The following CTDSPL variants were observed in gnomAD, a reference collection of about 807,000 sequenced individuals.
The protein encoded by CTDSPL is CTD small phosphatase-like protein.
Under a neutral mutation model 30.5 loss-of-function variants are expected in CTDSPL, and 8 were observed. That is an observed-to-expected ratio of 0.26 (90% CI 0.15 to 0.47). CTDSPL has a LOEUF of 0.47. CTDSPL is among the 20% of genes least tolerant of loss of function. The pLI is 0.99. For missense variants in CTDSPL, 248 were observed against 366.1 expected (o/e 0.68, Z 2.63); for synonymous variants, 110 against 137.9 (o/e 0.80, Z 1.42).
Position 37,967,822 on chromosome 3 carries a change from C to G in CTDSPL, c.370-4C>G, listed in dbSNP as rs747226628. On this transcript the variant is annotated splice_polypyrimidine_tract_variant and splice_region_variant and intron_variant, in intron 4 of 7. Coordinates refer to ENST00000273179, the MANE Select transcript of CTDSPL (RefSeq NM_001008392.2). ...ATATTAATTATAGTCTCTTTTTTCTCTAGCCTATTAGTAATGCTGATTTTA... is the reference window on the plus strand; with the variant it reads ...ATATTAATTATAGTCTCTTTTTTCTGTAGCCTATTAGTAATGCTGATTTTA... 2 of 1,582,226 alleles carry G rather than the reference C, an allele frequency of 1.3e-6. No homozygotes were observed.
At position 37,975,685 on chromosome 3, in the gene CTDSPL, T is replaced by C; in HGVS notation, c.520-24T>C. On this transcript the variant is annotated intron_variant, in intron 6 of 7. Transcript: ENST00000273179. This position sits in a 1 kb window ranked among gnomAD's most constrained non-coding sequence, Gnocchi z 4.9. ...GGGGGGCTCTTTTAAACACCCAGCCTTCATTGTGACACGTCTTTTCCAGTA... is the reference window on the plus strand; with the variant it reads ...GGGGGGCTCTTTTAAACACCCAGCCCTCATTGTGACACGTCTTTTCCAGTA... 1 of 1,586,404 alleles carries C rather than the reference T, an allele frequency of 6.3e-7. No individual in the cohort carries two copies. The highest frequency in any genetic ancestry group is 8.6e-7 in the Non-Finnish European group (1 of 1,161,692).
intron 1 of CTDSPL, among the ~76,000 whole-genome samples, chr3:37,874,732 AAATAAT>A (rs111575729): frequency 6.6e-6 from 1 of 151,610 alleles, no homozygotes; most frequent in Non-Finnish European, 1.5e-5. Flanking sequence ...CTGTCTCAAA[AAATAAT>A]AATAATAATA....
intron 1 of CTDSPL, among the ~76,000 whole-genome samples, chr3:37,880,295 A>T (rs1332585369): frequency 6.6e-6 from 1 of 152,148 alleles, no homozygotes; most frequent in Non-Finnish European, 1.5e-5. Context: ...AGGCAAACCT[A>T]GTCTGTCTGA....
intron 3 of CTDSPL, among the ~76,000 whole-genome samples, chr3:37,963,032 C>T (rs1699260449): frequency 6.6e-6 from 1 of 152,202 alleles, no homozygotes; most frequent in African/African-American, 2.4e-5. Flanking sequence ...AACCTGCTGA[C>T]TCACTGGTTT....
At chr3:37,968,267 A>T in intron 5 of CTDSPL, 1 of 458,178 alleles carries the variant, frequency 2.2e-6, no homozygotes, top group Non-Finnish European at 4.4e-6. Context: ...ACTCTCGGGA[A>T]AAAGTGTCCA....
At chr3:37,949,257 A>C (rs1000132073) in intron 2 of CTDSPL, among the ~76,000 whole-genome samples, 1 of 152,206 alleles carries the variant, frequency 6.6e-6, no homozygotes, top group Non-Finnish European at 1.5e-5. Context: ...CTGGAGGAAA[A>C]TTTGGCAATA....
intron 2 of CTDSPL, among the ~76,000 whole-genome samples, chr3:37,953,623 T>C (rs192016156): frequency 6.6e-6 from 1 of 152,228 alleles, no homozygotes; most frequent in East Asian, 1.9e-4. Flanking sequence ...AGAGTGGCAA[T>C]GTTAATATCA....
intron 7 of CTDSPL, among the ~76,000 whole-genome samples, chr3:37,977,211 G>A (rs940102038): frequency 2.0e-5 from 3 of 152,074 alleles, no homozygotes; most frequent in South Asian, 2.1e-4. Context: ...CACAAGTCAC[G>A]GTCAGATCTG....
At chr3:37,881,324 C>T (rs144721880) in intron 1 of CTDSPL, among the ~76,000 whole-genome samples, 1,600 of 151,892 alleles carry the variant, frequency 0.011, 33 homozygotes, top group South Asian at 0.078. Context: ...AGGTTAGGAG[C>T]TCAAGACCAG....
intron 1 of CTDSPL, among the ~76,000 whole-genome samples, chr3:37,940,035 T>C (rs745498577): frequency 6.7e-6 from 1 of 149,768 alleles, no homozygotes; most frequent in Non-Finnish European, 1.5e-5. Flanking sequence ...GAGGTTGCAG[T>C]GTGCCGAGAT....
intron 1 of CTDSPL, among the ~76,000 whole-genome samples, chr3:37,929,188 A>G (rs534438674): frequency 1.4e-4 from 22 of 152,208 alleles, no homozygotes; most frequent in Non-Finnish European, 2.6e-4. Context: ...TAGCTTTGTA[A>G]TTTGTTTTGA....
chr3:37,942,378 C>T (rs1698988397), intron 1 of CTDSPL, among the ~76,000 whole-genome samples: 1 of 150,466 alleles, frequency 6.6e-6, no homozygotes, highest in African/African-American at 2.4e-5. Context: ...TGTGGTGCCT[C>T]ACAACTGTAA....
chr3:37,882,419 G>A (rs1698216219), intron 1 of CTDSPL, among the ~76,000 whole-genome samples: 1 of 145,086 alleles, frequency 6.9e-6, no homozygotes, highest in South Asian at 2.2e-4. Context: ...TCCAGCCTGG[G>A]TGACAGAGCA....
At chr3:37,935,504 A>T (rs1291218233) in intron 1 of CTDSPL, among the ~76,000 whole-genome samples, 1 of 150,332 alleles carries the variant, frequency 6.7e-6, no homozygotes, top group East Asian at 1.9e-4. Context: ...TTCTAGACTC[A>T]TACAAATCTG....
chr3:37,907,561 A>G (rs979971451), intron 1 of CTDSPL, among the ~76,000 whole-genome samples: 1 of 152,204 alleles, frequency 6.6e-6, no homozygotes, highest in Non-Finnish European at 1.5e-5. Context: ...AAAGGATGAA[A>G]GAGTGACAGG....
intron 1 of CTDSPL, among the ~76,000 whole-genome samples, chr3:37,863,581 C>T (rs1311985947): frequency 2.0e-5 from 3 of 152,216 alleles, no homozygotes; most frequent in Non-Finnish European, 4.4e-5. Flanking sequence ...CCACCAGGAC[C>T]CCTGACCCCT....
At chr3:37,873,230 C>G (rs1180465388) in intron 1 of CTDSPL, among the ~76,000 whole-genome samples, 1 of 152,170 alleles carries the variant, frequency 6.6e-6, no homozygotes, top group East Asian at 1.9e-4. Context: ...ATTAGGTTTT[C>G]TCTGGCATGA....
chr3:37,921,607 CCACACACACA>C (rs58395906), intron 1 of CTDSPL, among the ~76,000 whole-genome samples: 13 of 147,634 alleles, frequency 8.8e-5, no homozygotes, highest in Non-Finnish European at 1.3e-4. Flanking sequence ...ACCCTAACTA[CCACACACACA>C]CACACACACA....
Position 37,862,624 on chromosome 3 carries a change from C to T in CTDSPL, c.79+346C>T, listed in dbSNP as rs372568521. ...GTGCACTTGTATGTGTGTGTGCACA[C>T]GCGGACAGAGTGATTGTAAGGATAT... is the stretch of plus-strand genomic sequence containing the variant. On this transcript the variant is annotated intron_variant, in intron 1 of 7. Transcript: ENST00000273179. This position sits in a 1 kb window ranked among gnomAD's most constrained non-coding sequence, Gnocchi z 4.3. Among the ~76,000 whole-genome samples the T allele has an allele frequency of 2.6e-5, 4 of 152,172 alleles. No individual in the cohort carries two copies. The highest frequency in any genetic ancestry group is 4.4e-5 in the Non-Finnish European group (3 of 68,030).
Sources: gnomAD v4.1 joint callset for allele counts (sites outside exome capture counted in the v4.1 genomes callset) on GRCh38, gnomAD v4.1.1 for gene constraint, Gnocchi (gnomAD v3.1) non-coding constraint, MANE v1.5 for transcripts, NCBI Gene and HGNC (gene_info 2026-07-23, HGNC 2026-07-21) for gene names.